SPAG16: variants seen among roughly 807,000 people sequenced by gnomAD.
SPAG16 encodes the protein sperm-associated antigen 16 protein.
Under a neutral mutation model 80.4 loss-of-function variants are expected in SPAG16, and 86 were observed. That is an observed-to-expected ratio of 1.07 (90% confidence interval 0.90 to 1.28). The LOEUF (loss-of-function observed/expected upper bound fraction) is 1.28. SPAG16 is among the 50% of genes most tolerant of loss of function. SPAG16 has a pLI of 0.00. For synonymous variants in SPAG16, 294 were observed against 265.9 expected, an observed-to-expected ratio of 1.11 and a Z score of -1.03; for missense variants, 870 against 765.3, an observed-to-expected ratio of 1.14 and a Z score of -1.61.
intron 12 of SPAG16, among the ~76,000 whole-genome samples, chr2:213,998,628 A>G (rs2046641265): frequency 6.6e-6 from 1 of 152,238 alleles, no homozygotes; most frequent in African/African-American, 2.4e-5. Flanking sequence ...AAAATGTGGC[A>G]GCAACTTTGG....
chr2:213,978,862 A>G (rs2045550935), intron 12 of SPAG16, among the ~76,000 whole-genome samples: 1 of 152,112 alleles, frequency 6.6e-6, no homozygotes, highest in Non-Finnish European at 1.5e-5. Flanking sequence ...GACTCTGAAT[A>G]GTCACAATGG....
At position 213,514,623 on chromosome 2, in the gene SPAG16, C is replaced by G. The variant is rs1366636146; in HGVS notation, c.1070+24533C>G. 3.3e-5 allele frequency among the ~76,000 whole-genome samples: 4 copies of G among 121,594 alleles called. No individual in the cohort carries two copies. The Admixed American group carries it at 3.8e-4, about 12-fold the overall frequency. 79.8% of individuals were successfully genotyped at this position (121,594 alleles called of 152,430 possible). A position where few individuals can be genotyped will look rare whatever the true frequency, so the allele number is the denominator to read the frequency against. ...CCAGTGCTATCCCTCCCCCCTCCCCCCACCCCACCACAGTCCCCAGAGTGT... is the reference window on the plus strand; with the variant it reads ...CCAGTGCTATCCCTCCCCCCTCCCCGCACCCCACCACAGTCCCCAGAGTGT... On this transcript the variant is annotated intron_variant, in intron 10 of 15. Coordinates refer to ENST00000331683, the MANE Select transcript of SPAG16 (RefSeq NM_024532.5).
chr2:213,300,357 T>C (rs918598663), intron 3 of SPAG16, among the ~76,000 whole-genome samples: 1 of 152,206 alleles, frequency 6.6e-6, no homozygotes, highest in Admixed American at 6.5e-5. Flanking sequence ...AGAAGACTAA[T>C]TGATGACTGA....
intron 13 of SPAG16, among the ~76,000 whole-genome samples, chr2:214,045,007 G>C (rs1478210786): frequency 1.3e-5 from 2 of 152,128 alleles, no homozygotes; most frequent in Non-Finnish European, 2.9e-5. Context: ...GCTGAGCTGG[G>C]CTCAGAGCCA....
chr2:213,441,123 A>T (rs927480663), intron 9 of SPAG16, among the ~76,000 whole-genome samples: 3 of 152,224 alleles, frequency 2.0e-5, no homozygotes, highest in Non-Finnish European at 2.9e-5. Flanking sequence ...CAGCAATTCC[A>T]CTTCTGGATA....
At chr2:214,307,361 T>C (rs561440968) in intron 15 of SPAG16, among the ~76,000 whole-genome samples, 2 of 152,292 alleles carry the variant, frequency 1.3e-5, no homozygotes, top group Admixed American at 6.5e-5. Context: ...ATTGATCTTT[T>C]GAATGGTTTT....
At chr2:213,933,806 G>A (rs1309247560) in intron 12 of SPAG16, among the ~76,000 whole-genome samples, 1 of 152,172 alleles carries the variant, frequency 6.6e-6, no homozygotes, top group South Asian at 2.1e-4. Flanking sequence ...TAAGAACTGT[G>A]TTTACTTTAA....
chr2:214,272,344 G>A (rs1576646223), intron 15 of SPAG16, among the ~76,000 whole-genome samples: 2 of 151,904 alleles, frequency 1.3e-5, no homozygotes, highest in South Asian at 4.2e-4. Context: ...TGTGCACAAT[G>A]TGCAGGTTTG....
At chr2:213,844,011 T>G (rs2074489944) in intron 10 of SPAG16, among the ~76,000 whole-genome samples, 2 of 152,156 alleles carry the variant, frequency 1.3e-5, no homozygotes, top group Non-Finnish European at 2.9e-5. Flanking sequence ...TAGTTCAGAT[T>G]GGCAAGTATG....
chr2:214,370,625 T>C (rs1232312049), intron 15 of SPAG16, among the ~76,000 whole-genome samples: 2 of 152,142 alleles, frequency 1.3e-5, no homozygotes, highest in African/African-American at 4.8e-5. Flanking sequence ...ATTTCAAGTA[T>C]ACAATACAGT....
chr2:213,787,117 G>T (rs1461904529), intron 10 of SPAG16, among the ~76,000 whole-genome samples: 1 of 151,946 alleles, frequency 6.6e-6, no homozygotes, highest in Non-Finnish European at 1.5e-5. Flanking sequence ...ATGTATGCTG[G>T]GCTTAATACT....
At chr2:214,074,059 G>A (rs1220659512) in intron 13 of SPAG16, among the ~76,000 whole-genome samples, 1 of 152,070 alleles carries the variant, frequency 6.6e-6, no homozygotes, top group Admixed American at 6.6e-5. Context: ...CTACATCCAC[G>A]CAAATCATAT....
intron 10 of SPAG16, among the ~76,000 whole-genome samples, chr2:213,804,612 G>A (rs2125648266): frequency 6.6e-6 from 1 of 152,320 alleles, no homozygotes; most frequent in Admixed American, 6.5e-5. Context: ...GAACCCTGGA[G>A]GCGGAGCTTG....
chr2:213,887,498 C>T (rs1011104484), intron 11 of SPAG16, among the ~76,000 whole-genome samples: 1 of 151,886 alleles, frequency 6.6e-6, no homozygotes, highest in Non-Finnish European at 1.5e-5. Flanking sequence ...GTCTTCAATA[C>T]ATCCTATCAG....
At chr2:214,296,596 G>A (rs918488330) in intron 15 of SPAG16, among the ~76,000 whole-genome samples, 1 of 152,124 alleles carries the variant, frequency 6.6e-6, no homozygotes, top group African/African-American at 2.4e-5. Flanking sequence ...CTGGTGTGAT[G>A]TGTTATCTTA....
At chr2:214,344,870 T>C (rs1407798801) in intron 15 of SPAG16, among the ~76,000 whole-genome samples, 1 of 152,198 alleles carries the variant, frequency 6.6e-6, no homozygotes, top group African/African-American at 2.4e-5. Context: ...TTTCCTTAGT[T>C]CTAGTAACTG....
intron 11 of SPAG16, among the ~76,000 whole-genome samples, chr2:213,867,926 CAAAAAAAAAAA>C (rs35795865): frequency 0.097 from 4,454 of 46,068 alleles, 285 homozygotes; most frequent in African/African-American, 0.29. Context: ...TCTGTCTCAA[CAAAAAAAAAAA>C]AAAAAAAAAA....
intron 9 of SPAG16, among the ~76,000 whole-genome samples, chr2:213,430,612 G>T (rs916321608): frequency 3.9e-5 from 6 of 152,178 alleles, no homozygotes; most frequent in African/African-American, 1.4e-4. Flanking sequence ...CATATCATTG[G>T]TATTCACAAG....
intron 15 of SPAG16, among the ~76,000 whole-genome samples, chr2:214,333,457 AC>A (rs1293134092): frequency 6.6e-6 from 1 of 152,056 alleles, no homozygotes; most frequent in Non-Finnish European, 1.5e-5. Flanking sequence ...CCCACTTTCT[AC>A]TTTGGAATTC....
Sources: gnomAD v4.1 joint callset for allele counts (sites outside exome capture counted in the v4.1 genomes callset) on GRCh38, gnomAD v4.1.1 for gene constraint, MANE v1.5 for transcripts, NCBI Gene and HGNC (gene_info 2026-07-23, HGNC 2026-07-21) for gene names.